STK24: variants seen among roughly 807,000 people sequenced by gnomAD.
STK24 encodes the protein serine/threonine-protein kinase 24.
In STK24, 21 loss-of-function variants were observed where a neutral mutation model predicts 55.6. The ratio of observed to expected loss-of-function variants is 0.38; its 90% CI spans 0.27 to 0.54. The LOEUF (loss-of-function observed/expected upper bound fraction) is 0.54. STK24 is among the 20% of genes least tolerant of loss of function. The pLI is 0.79. For synonymous variants in STK24, 200 were observed against 215.2 expected, an observed-to-expected ratio of 0.93 and a Z score of 0.62; for missense variants, 383 against 538.4, an observed-to-expected ratio of 0.71 and a Z score of 2.86.
intron 1 of STK24, among the ~76,000 whole-genome samples, chr13:98,552,006 C>G (rs1172389298): frequency 1.3e-5 from 2 of 152,190 alleles, no homozygotes; most frequent in East Asian, 3.9e-4. Flanking sequence ...AGTCAAATGG[C>G]CTTCGCAAGC....
Position 98,457,418 on chromosome 13 carries a change from G to A in STK24, c.1123-114C>T, listed in dbSNP as rs555111473. Reference sequence around the variant, plus strand: ...GACCACGACACTACCCCAGCCCCAGGGTGTCCGGGAAAAGCTTTGGCTAGG... The same window carrying A: ...GACCACGACACTACCCCAGCCCCAGAGTGTCCGGGAAAAGCTTTGGCTAGG... On this transcript the variant is annotated intron_variant, in intron 9 of 10. Coordinates refer to ENST00000539966, the MANE Select transcript of STK24 (RefSeq NM_001032296.4). 1.3e-5 allele frequency: 20 copies of A among 1,499,158 alleles called. No individual in the cohort carries two copies. In the South Asian group the frequency reaches 2.3e-4, roughly 17 times the overall value. 92.9% of individuals were successfully genotyped at this position (1,499,158 alleles called of 1,614,324 possible).
intron 2 of STK24, among the ~76,000 whole-genome samples, chr13:98,499,903 A>G (rs1895385282): frequency 6.6e-6 from 1 of 152,142 alleles, no homozygotes; most frequent in Admixed American, 6.5e-5. Context: ...ATTGAGACAA[A>G]AAGATTTCAG....
At chr13:98,509,948 G>A (rs1220739156) in intron 2 of STK24, among the ~76,000 whole-genome samples, 1 of 152,128 alleles carries the variant, frequency 6.6e-6, no homozygotes, top group Non-Finnish European at 1.5e-5. Flanking sequence ...CTTTGAACTT[G>A]GATTTGACCA....
intron 2 of STK24, among the ~76,000 whole-genome samples, chr13:98,510,347 G>T (rs1363252667): frequency 6.6e-6 from 1 of 152,174 alleles, no homozygotes; most frequent in East Asian, 1.9e-4. Flanking sequence ...CTTAGGGAAG[G>T]GTCGCTAGCT....
intron 1 of STK24, among the ~76,000 whole-genome samples, chr13:98,525,050 C>T (rs1185227966): frequency 2.0e-5 from 3 of 152,252 alleles, no homozygotes; most frequent in African/African-American, 7.2e-5. Flanking sequence ...GTTCCCTGCG[C>T]GGGCAGCCCT....
rs1893734082 is a variant in STK24, at chr13:98,462,139, T to G, written c.930-242A>C. 2.0e-5 allele frequency among the ~76,000 whole-genome samples: 3 copies of G among 152,222 alleles called. No individual in the cohort carries two copies. In the South Asian group the frequency reaches 6.2e-4, roughly 32 times the overall value. ...ACTCCCTGGCGTGCCAGTGTGTGCATGCCCACCCTCCTCCTCCTCCCGGAG... is the reference window on the plus strand; with the variant it reads ...ACTCCCTGGCGTGCCAGTGTGTGCAGGCCCACCCTCCTCCTCCTCCCGGAG... On this transcript the variant is annotated intron_variant, in intron 7 of 10. Transcript: ENST00000539966.
chr13:98,575,432 T>TAC (rs34923137), intron 1 of STK24, among the ~76,000 whole-genome samples: 13,481 of 139,766 alleles, frequency 0.096, 895 homozygotes, highest in African/African-American at 0.2. Flanking sequence ...CACACACATA[T>TAC]ACACACACAC....
intron 1 of STK24, among the ~76,000 whole-genome samples, chr13:98,565,593 T>C (rs866558042): frequency 2.0e-5 from 3 of 149,956 alleles, no homozygotes; most frequent in Non-Finnish European, 3.0e-5. Flanking sequence ...GATCGTGCCA[T>C]TGCACTCCAG....
chr13:98,492,076 CGT>C (rs56956881), intron 2 of STK24, among the ~76,000 whole-genome samples: 26,843 of 149,432 alleles, frequency 0.18, 2,445 homozygotes, highest in Middle Eastern at 0.27. Context: ...AGTGCGTGCG[CGT>C]GTGTGTGTGT....
intron 1 of STK24, among the ~76,000 whole-genome samples, chr13:98,535,372 T>A (rs1311302984): frequency 0.15 from 3,756 of 25,226 alleles, 71 homozygotes; most frequent in Non-Finnish European, 0.2. Context: ...AAAAAAAAAA[T>A]ATATATATAT....
chr13:98,475,421 A>G, intron 3 of STK24, 63 bp from the exon 4 acceptor site: 1 of 1,145,496 alleles, frequency 8.7e-7, no homozygotes, highest in Non-Finnish European at 1.3e-6. Flanking sequence ...GTTTGAGATA[A>G]AACAGAAACA....
rs752536723 is a variant in STK24 at position 98,463,855 on chromosome 13, CAATT to C, written c.784-23_784-20del. 4.3e-6 allele frequency: 7 copies of C among 1,609,356 alleles called. No individual in the cohort carries two copies. The highest frequency in any genetic ancestry group is 2.2e-5 in the East Asian group (1 of 44,778). ...TGGGTCTCTGGAAAAACACACCCAA[CAATT>C]AAAGTATGAGATGAAGTTCTTGGTC... On this transcript the variant is annotated intron_variant, in intron 6 of 10. Coordinates refer to ENST00000539966, the MANE Select transcript of STK24 (RefSeq NM_001032296.4).
chr13:98,498,207 A>C (rs1895322945), intron 2 of STK24, among the ~76,000 whole-genome samples: 1 of 152,244 alleles, frequency 6.6e-6, no homozygotes, highest in Non-Finnish European at 1.5e-5. Context: ...AGAAGGGTCT[A>C]AGTTAACTCT....
intron 2 of STK24, among the ~76,000 whole-genome samples, chr13:98,483,574 G>C (rs1894687772): frequency 1.3e-5 from 2 of 152,062 alleles, no homozygotes; most frequent in African/African-American, 4.8e-5. Flanking sequence ...AGGCCTTTTT[G>C]CTTTTGGAGG....
intron 1 of STK24, chr13:98,522,065 C>A: frequency 6.5e-6 from 9 of 1,383,516 alleles, no homozygotes; most frequent in Non-Finnish European, 8.4e-6. Context: ...GCCCGGTCCT[C>A]CCCACCACTG....
At chr13:98,487,617 G>A (rs1304839726) in intron 2 of STK24, among the ~76,000 whole-genome samples, 2 of 152,044 alleles carry the variant, frequency 1.3e-5, no homozygotes, top group African/African-American at 2.4e-5. Flanking sequence ...TTACCCAAAC[G>A]GTGGCATTCT....
At chr13:98,572,282 A>G (rs1897763141) in intron 1 of STK24, among the ~76,000 whole-genome samples, 1 of 152,088 alleles carries the variant, frequency 6.6e-6, no homozygotes, top group Admixed American at 6.5e-5. Flanking sequence ...TCACCAGAGC[A>G]CACTCCACAG....
At chr13:98,549,062 A>G (rs1274133739) in intron 1 of STK24, among the ~76,000 whole-genome samples, 1 of 152,148 alleles carries the variant, frequency 6.6e-6, no homozygotes, top group Non-Finnish European at 1.5e-5. Flanking sequence ...TGGAGACACT[A>G]TCCTGAGACC....
chr13:98,509,849 GCT>G (rs58308766), intron 2 of STK24, among the ~76,000 whole-genome samples: 45,203 of 151,512 alleles, frequency 0.3, 6,945 homozygotes, highest in East Asian at 0.41. Context: ...TCTCTCTGTC[GCT>G]CTCTCTCTCT....
Sources: allele counts gnomAD v4.1 joint callset (sites outside exome capture counted in the v4.1 genomes callset), GRCh38; gene constraint gnomAD v4.1.1; transcripts MANE v1.5; gene names NCBI Gene and HGNC (gene_info 2026-07-23, HGNC 2026-07-21).